DTNA: variants seen among roughly 807,000 people sequenced by gnomAD.
The protein encoded by DTNA is dystrobrevin alpha.
DTNA carries 43 observed loss-of-function variants against 100.7 expected under a neutral mutation model. The ratio of observed to expected loss-of-function variants is 0.43; its 90% confidence interval spans 0.33 to 0.55. The LOEUF (loss-of-function observed/expected upper bound fraction) is 0.55. Ranked by LOEUF, DTNA falls within the 20% of genes least tolerant of loss-of-function variation. DTNA has a pLI of 0.04. For synonymous variants in DTNA, 349 were observed against 347.9 expected, an observed-to-expected ratio of 1.00 and a Z score of -0.04; for missense variants, 798 against 953.9, an observed-to-expected ratio of 0.84 and a Z score of 2.15.
intron 2 of DTNA, 119 bp from the exon 3 acceptor site, chr18:34,765,842 A>G (rs2093438086): frequency 1.0e-6 from 1 of 969,466 alleles, no homozygotes; most frequent in Non-Finnish European, 1.6e-6. Context: ...TTATATTTAT[A>G]TTCTAATAAA....
intron 20 of DTNA, among the ~76,000 whole-genome samples, chr18:34,881,022 T>C (rs1891873044): frequency 6.6e-6 from 1 of 152,222 alleles, no homozygotes; most frequent in African/African-American, 2.4e-5. Flanking sequence ...CTGCTAGCCC[T>C]GGTATGCTGA....
intron 1 of DTNA, among the ~76,000 whole-genome samples, chr18:34,515,204 C>G (rs2041481653): frequency 6.6e-6 from 1 of 152,060 alleles, no homozygotes; most frequent in African/African-American, 2.4e-5. Context: ...AGTAAGCTCA[C>G]TGGTTTTGTT....
At chr18:34,606,906 A>G (rs1206189982) in intron 1 of DTNA, among the ~76,000 whole-genome samples, 2 of 152,166 alleles carry the variant, frequency 1.3e-5, no homozygotes, top group South Asian at 2.1e-4. Flanking sequence ...AAGGGTTTTC[A>G]TGTCATTGTA....
intron 3 of DTNA, among the ~76,000 whole-genome samples, chr18:34,770,761 A>G (rs8090982): frequency 0.7 from 104,745 of 149,646 alleles, 37,619 homozygotes; most frequent in East Asian, 0.9. Context: ...TTAAAAATGC[A>G]TACTCCCAAG....
intron 1 of DTNA, among the ~76,000 whole-genome samples, chr18:34,548,721 G>C (rs1160389203): frequency 6.6e-6 from 1 of 151,988 alleles, no homozygotes; most frequent in Non-Finnish European, 1.5e-5. Flanking sequence ...CTACCTCTTG[G>C]TTCTTTAAGG....
At chr18:34,870,299 T>C (rs1469335198) in intron 17 of DTNA, among the ~76,000 whole-genome samples, 3 of 152,206 alleles carry the variant, frequency 2.0e-5, no homozygotes, top group African/African-American at 7.2e-5. Context: ...CAGGAAATTG[T>C]AGTCATCAGG....
chr18:34,667,399 A>G (rs926236609), intron 1 of DTNA, among the ~76,000 whole-genome samples: 6 of 152,140 alleles, frequency 3.9e-5, no homozygotes, highest in Non-Finnish European at 8.8e-5. Context: ...TCTTTTCCTA[A>G]TTGAATACCC....
At chr18:34,587,475 A>G (rs1287454927) in intron 1 of DTNA, among the ~76,000 whole-genome samples, 2 of 151,602 alleles carry the variant, frequency 1.3e-5, no homozygotes, top group African/African-American at 4.9e-5. Context: ...TAAAATAATT[A>G]AAATCTGCTT....
chr18:34,544,187 C>G (rs1171354773), intron 1 of DTNA, among the ~76,000 whole-genome samples: 1 of 152,040 alleles, frequency 6.6e-6, no homozygotes, highest in East Asian at 1.9e-4. Context: ...CAAGGACTAG[C>G]AGAGGTTGGG....
At chr18:34,587,905 T>C (rs9950993) in intron 1 of DTNA, among the ~76,000 whole-genome samples, 15,622 of 152,096 alleles carry the variant, frequency 0.1, 1,151 homozygotes, top group African/African-American at 0.2. Flanking sequence ...CCCTCGGGCC[T>C]AGACAAAACA....
At chr18:34,669,175 A>G (rs191649790) in intron 1 of DTNA, among the ~76,000 whole-genome samples, 1 of 152,298 alleles carries the variant, frequency 6.6e-6, no homozygotes, top group East Asian at 1.9e-4. Flanking sequence ...CTTTACCATT[A>G]TGTAATGGCC....
intron 1 of DTNA, among the ~76,000 whole-genome samples, chr18:34,694,966 A>G (rs2080303200): frequency 6.6e-6 from 1 of 152,174 alleles, no homozygotes; most frequent in Non-Finnish European, 1.5e-5. Flanking sequence ...TGTGTGGTCA[A>G]GGGTGCTACC....
At chr18:34,833,597 C>T (rs1363890146) in intron 11 of DTNA, among the ~76,000 whole-genome samples, 1 of 152,070 alleles carries the variant, frequency 6.6e-6, no homozygotes, top group Non-Finnish European at 1.5e-5. Flanking sequence ...CAAAATTTAC[C>T]ATGCCATGCC....
rs760288717 is a variant in DTNA at position 34,851,880 on chromosome 18, C to T, written c.1484C>T (p.Ala495Val). 6.8e-6 allele frequency: 11 copies of T among 1,613,856 alleles called. 1 individual carries two copies. The African/African-American group carries it at 8.0e-5, about 12-fold the overall frequency. Residue 495 changes from alanine to valine, a missense_variant, in exon 15 of 23, where the codon GCG (alanine) becomes GTG (valine). Physicochemically the swap from Ala to Val is moderately conservative, Grantham distance 64. This residue lies in a region of DTNA where 159 missense variants were observed against 201.2 expected (regional missense o/e 0.79). Transcript: ENST00000444659. ...SAPDISFTID[A>V]NKQQRQLIAE... ...CCTGACATCTCTTTCACCATCGATG[C>T]GAATAAGCAGCAAAGGCAGCTGATT...
At chr18:34,811,844 T>C (rs2095492515) in intron 5 of DTNA, 115 bp from the exon 6 acceptor site, 8 of 1,225,128 alleles carry the variant, frequency 6.5e-6, no homozygotes, top group Non-Finnish European at 9.3e-6. Context: ...TATATTATTC[T>C]TTCATAAAAA....
chr18:34,547,601 C>T (rs1385221230), intron 1 of DTNA, among the ~76,000 whole-genome samples: 4 of 152,088 alleles, frequency 2.6e-5, no homozygotes, highest in Non-Finnish European at 5.9e-5. Flanking sequence ...ATTTTTTAAA[C>T]TATATTGGGT....
intron 1 of DTNA, among the ~76,000 whole-genome samples, chr18:34,626,517 A>G (rs2147994974): frequency 1.3e-5 from 2 of 152,304 alleles, no homozygotes; most frequent in African/African-American, 4.8e-5. Flanking sequence ...TAAGAGGGAA[A>G]TATCTTTGAG....
intron 1 of DTNA, among the ~76,000 whole-genome samples, chr18:34,600,754 A>C (rs1007060437): frequency 4.6e-5 from 7 of 152,274 alleles, no homozygotes; most frequent in Non-Finnish European, 1.0e-4. Context: ...AGATGTAGAC[A>C]TATGAAGTGT....
chr18:34,726,090 C>T (rs2086614246), intron 1 of DTNA, among the ~76,000 whole-genome samples: 1 of 152,008 alleles, frequency 6.6e-6, no homozygotes, highest in African/African-American at 2.4e-5. Context: ...CACACCAGAG[C>T]CTGTCGGGGA....
Sources: allele counts gnomAD v4.1 joint callset (sites outside exome capture counted in the v4.1 genomes callset), GRCh38; gene constraint gnomAD v4.1.1; regional missense constraint gnomAD v4.1.1; transcripts MANE v1.5; gene names NCBI Gene and HGNC (gene_info 2026-07-23, HGNC 2026-07-21).